The following PTPRD variants were observed in gnomAD, a reference collection of about 807,000 sequenced individuals.
The protein encoded by PTPRD is protein tyrosine phosphatase receptor type D.
Under a neutral mutation model 214.5 loss-of-function variants are expected in PTPRD, and 34 were observed. The observed-to-expected ratio is 0.16, with a 90% CI of 0.12 to 0.21. The LOEUF (loss-of-function observed/expected upper bound fraction) is 0.21, where lower values mean the gene tolerates loss of function less well. PTPRD is among the 10% of genes least tolerant of loss of function. The pLI is 1.00. For synonymous variants in PTPRD, 1,128 were observed against 845.7 expected, an observed-to-expected ratio of 1.33 and a Z score of -5.79; for missense variants, 2,545 against 2,398.7, an observed-to-expected ratio of 1.06 and a Z score of -1.27.
intron 4 of PTPRD, among the ~76,000 whole-genome samples, chr9:9,995,712 T>C (rs1314229113): frequency 6.6e-6 from 1 of 152,178 alleles, no homozygotes; most frequent in East Asian, 1.9e-4. Context: ...TACTTCCTAT[T>C]ACCCAATTAC....
At chr9:9,382,599 A>G (rs1453700193) in intron 9 of PTPRD, among the ~76,000 whole-genome samples, 2 of 152,216 alleles carry the variant, frequency 1.3e-5, no homozygotes, top group Admixed American at 6.5e-5. Context: ...ATGAAAAATG[A>G]GATATCACTT....
intron 10 of PTPRD, among the ~76,000 whole-genome samples, chr9:9,108,615 G>GA (rs955375311): frequency 1.3e-5 from 2 of 152,012 alleles, no homozygotes; most frequent in Admixed American, 6.6e-5. Context: ...CGAAGCAATG[G>GA]AAAAAAACAG....
chr9:9,920,711 A>C (rs557854114), intron 5 of PTPRD, among the ~76,000 whole-genome samples: 1 of 152,136 alleles, frequency 6.6e-6, no homozygotes, highest in Admixed American at 6.6e-5. Flanking sequence ...CTCTTTAGAA[A>C]GGAGGGCTAT....
At chr9:8,397,655 A>G (rs1187225261) in intron 36 of PTPRD, among the ~76,000 whole-genome samples, 1 of 152,186 alleles carries the variant, frequency 6.6e-6, no homozygotes, top group Non-Finnish European at 1.5e-5. Flanking sequence ...AAGAGAGGCT[A>G]AGACACAACT....
At chr9:8,731,777 CT>C (rs1412232097) in intron 12 of PTPRD, among the ~76,000 whole-genome samples, 2 of 152,140 alleles carry the variant, frequency 1.3e-5, no homozygotes, top group Non-Finnish European at 2.9e-5. Flanking sequence ...TCGTCAATAA[CT>C]TTCAGAATAC....
chr9:8,646,782 T>C (rs2096703559), intron 12 of PTPRD, among the ~76,000 whole-genome samples: 1 of 152,208 alleles, frequency 6.6e-6, no homozygotes, highest in African/African-American at 2.4e-5. Context: ...AAATTATACA[T>C]GCCCCTGGTC....
intron 2 of PTPRD, among the ~76,000 whole-genome samples, chr9:10,588,818 A>T (rs2074638564): frequency 6.6e-6 from 1 of 151,862 alleles, no homozygotes; most frequent in South Asian, 2.1e-4. Context: ...CAAATTGTAT[A>T]CCCTACTTCA....
chr9:9,206,926 A>G (rs10977570), intron 9 of PTPRD, among the ~76,000 whole-genome samples: 17,793 of 152,206 alleles, frequency 0.12, 1,309 homozygotes, highest in Non-Finnish European at 0.16. Flanking sequence ...CCTTTCATAT[A>G]TACATCTATC....
At chr9:9,683,962 C>T (rs1490585293) in intron 7 of PTPRD, among the ~76,000 whole-genome samples, 2 of 151,536 alleles carry the variant, frequency 1.3e-5, no homozygotes, top group Non-Finnish European at 3.0e-5. Flanking sequence ...CATTCATGTC[C>T]TTGACTGCCA....
At chr9:8,666,155 G>GA (rs1047980281) in intron 12 of PTPRD, among the ~76,000 whole-genome samples, 4 of 151,624 alleles carry the variant, frequency 2.6e-5, no homozygotes, top group African/African-American at 9.7e-5. Context: ...GGCCCAGGTT[G>GA]AAAAATCCAA....
chr9:9,140,186 G>T (rs2099857708), intron 10 of PTPRD, among the ~76,000 whole-genome samples: 1 of 140,196 alleles, frequency 7.1e-6, no homozygotes, highest in African/African-American at 2.8e-5. Context: ...GTAAATCCAT[G>T]CATGGAAAAA....
Position 10,310,918 on chromosome 9 carries a change from T to G in PTPRD, c.-545+30045A>C, listed in dbSNP as rs114836538. ...AGAACTTTGAGAACAAGCTGCTTGT[T>G]CCAGTAACCTGCTGTACCTATGCAT... On this transcript the variant is annotated intron_variant, in intron 3 of 45. Transcript: ENST00000381196. Among the ~76,000 whole-genome samples the G allele has an allele frequency of 5.3e-3, 799 of 152,126 alleles. 8 individuals are homozygous for G. The highest frequency in any genetic ancestry group is 0.018 in the African/African-American group (753 of 41,546).
chr9:10,177,923 G>C (rs2099259008), intron 3 of PTPRD, among the ~76,000 whole-genome samples: 1 of 151,888 alleles, frequency 6.6e-6, no homozygotes, highest in African/African-American at 2.4e-5. Flanking sequence ...TAAGGTACCA[G>C]AAATAGCCAA....
At chr9:9,263,173 G>T (rs948454882) in intron 9 of PTPRD, among the ~76,000 whole-genome samples, 7 of 151,732 alleles carry the variant, frequency 4.6e-5, no homozygotes, top group Admixed American at 1.3e-4. Flanking sequence ...TTTCTTAAAT[G>T]ATCCCAATAA....
At chr9:8,807,598 C>CTT (rs200760578) in intron 11 of PTPRD, among the ~76,000 whole-genome samples, 26 of 135,048 alleles carry the variant, frequency 1.9e-4, no homozygotes, top group East Asian at 8.4e-4. Context: ...CTTTGAATAG[C>CTT]TTTTTTTTTT....
At chr9:9,623,011 T>C (rs569117243) in intron 7 of PTPRD, among the ~76,000 whole-genome samples, 1 of 152,186 alleles carries the variant, frequency 6.6e-6, no homozygotes, top group Admixed American at 6.5e-5. Flanking sequence ...TGTGTGGTAA[T>C]AGAAAATGTT....
At chr9:8,378,799 C>A (rs1404949957) in intron 37 of PTPRD, among the ~76,000 whole-genome samples, 2 of 152,034 alleles carry the variant, frequency 1.3e-5, no homozygotes, top group Non-Finnish European at 2.9e-5. Flanking sequence ...TTTAGACCTT[C>A]TAGTGAGGTA....
intron 11 of PTPRD, chr9:8,859,807 G>GT (rs769086360): frequency 6.7e-6 from 1 of 150,156 alleles, no homozygotes; most frequent in Non-Finnish European, 1.5e-5. Context: ...AGCAATTTGG[G>GT]GGTGGGGGAG....
chr9:8,458,442 C>T (rs1397334174), intron 33 of PTPRD, among the ~76,000 whole-genome samples: 7 of 152,048 alleles, frequency 4.6e-5, no homozygotes, highest in Non-Finnish European at 1.0e-4. Context: ...TTTCCCATTT[C>T]AAATAATCAC....
Sources: allele counts gnomAD v4.1 joint callset (sites outside exome capture counted in the v4.1 genomes callset), GRCh38; gene constraint gnomAD v4.1.1; transcripts MANE v1.5; gene names NCBI Gene and HGNC (gene_info 2026-07-23, HGNC 2026-07-21).